The following ZNF804A variants were observed in gnomAD, a reference collection of about 807,000 sequenced individuals.
ZNF804A encodes zinc finger protein 804A.
ZNF804A carries 2 observed loss-of-function variants against 16.5 expected under a neutral mutation model. That is an observed-to-expected ratio of 0.12 (90% CI 0.05 to 0.38). The LOEUF is 0.38. Among genes scored for constraint, ZNF804A ranks in the 10% least tolerant of loss-of-function variants. The pLI is 0.99. For synonymous variants in ZNF804A, 534 were observed against 489.6 expected (o/e 1.09, Z -1.20); for missense variants, 1,473 against 1,390.7 (o/e 1.06, Z -0.94).
intron 1 of ZNF804A, among the ~76,000 whole-genome samples, chr2:184,809,711 C>T (rs1412437439): frequency 2.6e-5 from 4 of 151,698 alleles, no homozygotes; most frequent in Non-Finnish European, 5.9e-5. Context: ...AAAAATGCTA[C>T]AAAAAATTAT....
Position 184,938,843 on chromosome 2 carries a change from A to T in ZNF804A, c.3447A>T (p.Gly1149=), listed in dbSNP as rs1029580402. ...TRTSLPQLSV[G]PVGPRLCPGN... ...CCTCATTACCTCAGCTCTCAGTAGG[A>T]CCAGTAGGACCGAGGCTTTGTCCTG... is the stretch of plus-strand genomic sequence containing the variant. Residue 1149 remains glycine (G), a synonymous_variant, in exon 4 of 4, where the codon GGA becomes GGT. Coordinates refer to ENST00000302277, the MANE Select transcript of ZNF804A (RefSeq NM_194250.2). 7 of 1,613,824 alleles carry T rather than the reference A, an allele frequency of 4.3e-6. No individual in the cohort carries two copies. The highest frequency in any genetic ancestry group is 5.9e-6 in the Non-Finnish European group (7 of 1,179,980).
intron 1 of ZNF804A, among the ~76,000 whole-genome samples, chr2:184,803,922 G>A (rs920921321): frequency 1.3e-5 from 2 of 152,008 alleles, no homozygotes; most frequent in Admixed American, 6.6e-5. Context: ...GAGTGCAGTG[G>A]CATGATCTCG....
intron 1 of ZNF804A, among the ~76,000 whole-genome samples, chr2:184,842,156 T>C (rs977305150): frequency 1.3e-5 from 2 of 152,218 alleles, no homozygotes; most frequent in African/African-American, 2.4e-5. Flanking sequence ...TTTGGATATC[T>C]GAACATGTGA....
chr2:184,914,850 A>T (rs1685420496), intron 2 of ZNF804A, among the ~76,000 whole-genome samples: 1 of 151,852 alleles, frequency 6.6e-6, no homozygotes. Flanking sequence ...ATGTTAACTA[A>T]CCCATATAGA....
intron 1 of ZNF804A, among the ~76,000 whole-genome samples, chr2:184,645,765 G>A (rs970165278): frequency 2.0e-5 from 3 of 152,184 alleles, no homozygotes; most frequent in African/African-American, 7.2e-5. Flanking sequence ...AACTCTGTGA[G>A]CTCTAATTCA....
At chr2:184,817,251 A>AT (rs1694997369) in intron 1 of ZNF804A, among the ~76,000 whole-genome samples, 2 of 151,794 alleles carry the variant, frequency 1.3e-5, no homozygotes, top group African/African-American at 4.8e-5. Flanking sequence ...GAGGTAAGGG[A>AT]TAAAAACAAA....
intron 1 of ZNF804A, among the ~76,000 whole-genome samples, chr2:184,677,176 C>A (rs965866420): frequency 1.3e-5 from 2 of 151,876 alleles, no homozygotes; most frequent in Non-Finnish European, 1.5e-5. Flanking sequence ...TAGGATTTAT[C>A]ATCACACATA....
At chr2:184,734,467 G>A (rs1693577598) in intron 1 of ZNF804A, among the ~76,000 whole-genome samples, 1 of 151,814 alleles carries the variant, frequency 6.6e-6, no homozygotes, top group Admixed American at 6.6e-5. Flanking sequence ...AAATATTTTG[G>A]GATTTTCCAG....
At chr2:184,831,850 T>G (rs1695266179) in intron 1 of ZNF804A, among the ~76,000 whole-genome samples, 1 of 151,968 alleles carries the variant, frequency 6.6e-6, no homozygotes, top group Non-Finnish European at 1.5e-5. Context: ...TCCATCAGTT[T>G]TAGATTCCTG....
rs572448730 is a variant in ZNF804A at position 184,876,214 on chromosome 2, C to A, written c.255+9702C>A. On this transcript the variant is annotated intron_variant, in intron 2 of 3. Coordinates refer to ENST00000302277, the MANE Select transcript of ZNF804A (RefSeq NM_194250.2). The stretch of plus-strand genomic sequence containing the variant: ...GATTTAGCCCCAAATTTGAGCATTT[C>A]ATAATAATTTAAACTGCTGTTTAGT... Among the ~76,000 whole-genome samples the A allele has an allele frequency of 2.0e-5, 3 of 152,244 alleles. No homozygotes were observed. In the South Asian group the frequency reaches 6.2e-4, roughly 32 times the overall value.
chr2:184,768,047 G>A (rs374687359), intron 1 of ZNF804A, among the ~76,000 whole-genome samples: 4 of 151,942 alleles, frequency 2.6e-5, no homozygotes, highest in East Asian at 3.9e-4. Context: ...TTGGTGCTCC[G>A]TATCTACAGA....
chr2:184,751,919 G>C (rs569563245), intron 1 of ZNF804A, among the ~76,000 whole-genome samples: 35 of 151,380 alleles, frequency 2.3e-4, no homozygotes, highest in African/African-American at 7.2e-4. Flanking sequence ...GCAAATTAAA[G>C]CCACAATGAG....
chr2:184,733,551 C>G (rs1693557266), intron 1 of ZNF804A, among the ~76,000 whole-genome samples: 1 of 152,062 alleles, frequency 6.6e-6, no homozygotes, highest in Non-Finnish European at 1.5e-5. Context: ...CTTAGGGAAA[C>G]TTCCTTCTGC....
At chr2:184,623,944 A>G (rs974217885) in intron 1 of ZNF804A, among the ~76,000 whole-genome samples, 32 of 152,198 alleles carry the variant, frequency 2.1e-4, no homozygotes, top group African/African-American at 6.3e-4. Flanking sequence ...GCATAATTCA[A>G]GATACTTCTG....
At chr2:184,882,694 G>T (rs1011723981) in intron 2 of ZNF804A, among the ~76,000 whole-genome samples, 4 of 151,998 alleles carry the variant, frequency 2.6e-5, no homozygotes, top group African/African-American at 4.8e-5. Flanking sequence ...TTGACTTTGG[G>T]TAAATAATGA....
At chr2:184,682,136 G>C (rs1400943773) in intron 1 of ZNF804A, among the ~76,000 whole-genome samples, 1 of 152,160 alleles carries the variant, frequency 6.6e-6, no homozygotes, top group East Asian at 1.9e-4. Context: ...TGAACAGCCT[G>C]GGTGCCATGG....
chr2:184,872,506 C>T (rs961210210), intron 2 of ZNF804A, among the ~76,000 whole-genome samples: 3 of 151,938 alleles, frequency 2.0e-5, no homozygotes, highest in Admixed American at 2.0e-4. Flanking sequence ...AAATTAAATA[C>T]CAATGAGAAG....
chr2:184,765,194 A>G (rs1694099530), intron 1 of ZNF804A, among the ~76,000 whole-genome samples: 1 of 152,162 alleles, frequency 6.6e-6, no homozygotes, highest in Non-Finnish European at 1.5e-5. Flanking sequence ...TACTGTGGGT[A>G]AGCCAATTTT....
At chr2:184,605,927 CAAAGTA>C (rs1691138405) in intron 1 of ZNF804A, among the ~76,000 whole-genome samples, 1 of 151,988 alleles carries the variant, frequency 6.6e-6, no homozygotes, top group African/African-American at 2.4e-5. Context: ...TCATGGTTGT[CAAAGTA>C]AACAAAATCC....
Sources: allele counts gnomAD v4.1 joint callset (sites outside exome capture counted in the v4.1 genomes callset), GRCh38; gene constraint gnomAD v4.1.1; transcripts MANE v1.5; gene names NCBI Gene and HGNC (gene_info 2026-07-23, HGNC 2026-07-21).